The following AUTS2 variants were observed in gnomAD, a reference collection of about 807,000 sequenced individuals.
AUTS2 encodes autism susceptibility gene 2 protein.
In AUTS2, 17 loss-of-function variants were observed where a neutral mutation model predicts 112.4. That is an observed-to-expected ratio of 0.15 (90% CI 0.10 to 0.23). The LOEUF (loss-of-function observed/expected upper bound fraction) is 0.23, where lower values mean the gene tolerates loss of function less well. AUTS2 is among the 10% of genes least tolerant of loss of function. AUTS2 has a pLI of 1.00. For synonymous variants in AUTS2, 751 were observed against 702.7 expected, an observed-to-expected ratio of 1.07 and a Z score of -1.09; for missense variants, 1,510 against 1,701.6, an observed-to-expected ratio of 0.89 and a Z score of 1.98.
chr7:70,124,718 A>G (rs1805869514), intron 3 of AUTS2, among the ~76,000 whole-genome samples: 2 of 152,150 alleles, frequency 1.3e-5, no homozygotes, highest in Admixed American at 1.3e-4. Flanking sequence ...ATGTGCCACC[A>G]TGCCCAGCTA....
chr7:70,641,191 A>G (rs1805809345), intron 5 of AUTS2, among the ~76,000 whole-genome samples: 1 of 152,206 alleles, frequency 6.6e-6, no homozygotes, highest in South Asian at 2.1e-4. Flanking sequence ...TTGAAGTCCT[A>G]TTCCCATCTT....
intron 5 of AUTS2, among the ~76,000 whole-genome samples, chr7:70,448,167 G>A (rs767697250): frequency 2.6e-5 from 4 of 152,056 alleles, no homozygotes; most frequent in Admixed American, 6.6e-5. Context: ...GTTCTGACAC[G>A]GAAATACCCC....
intron 4 of AUTS2, among the ~76,000 whole-genome samples, chr7:70,305,434 G>A (rs1789450555): frequency 6.6e-6 from 1 of 152,118 alleles, no homozygotes; most frequent in South Asian, 2.1e-4. Context: ...TTATTATAAT[G>A]TAGATTCACA....
chr7:69,803,869 A>C (rs1327890469), intron 1 of AUTS2, among the ~76,000 whole-genome samples: 1 of 152,144 alleles, frequency 6.6e-6, no homozygotes, highest in Non-Finnish European at 1.5e-5. Flanking sequence ...GTCTCTACAA[A>C]ATAAACAAAC....
intron 5 of AUTS2, among the ~76,000 whole-genome samples, chr7:70,697,394 A>G (rs1045612810): frequency 6.6e-6 from 1 of 152,230 alleles, no homozygotes; most frequent in African/African-American, 2.4e-5. Flanking sequence ...GTCTTAATAC[A>G]AATATTTTGT....
At chr7:70,385,312 AAGG>A (rs1793560451) in intron 4 of AUTS2, among the ~76,000 whole-genome samples, 1 of 152,226 alleles carries the variant, frequency 6.6e-6, no homozygotes, top group Non-Finnish European at 1.5e-5. Context: ...GAAAAGCCAC[AAGG>A]AGGTCATTGT....
At chr7:70,719,931 A>T (rs1424448965) in intron 6 of AUTS2, among the ~76,000 whole-genome samples, 2 of 152,232 alleles carry the variant, frequency 1.3e-5, no homozygotes, top group Non-Finnish European at 2.9e-5. Context: ...GAGTTAACTT[A>T]GTGACCAGAT....
chr7:70,565,356 T>C (rs955939432), intron 5 of AUTS2, among the ~76,000 whole-genome samples: 4 of 152,172 alleles, frequency 2.6e-5, no homozygotes, highest in Non-Finnish European at 5.9e-5. Flanking sequence ...TCTACTTTTA[T>C]GGAAATTGTT....
chr7:69,902,263 C>T (rs1794998504), intron 2 of AUTS2, among the ~76,000 whole-genome samples: 1 of 152,044 alleles, frequency 6.6e-6, no homozygotes, highest in Admixed American at 6.5e-5. Flanking sequence ...GTTCAAAAAG[C>T]TTGTCTGAAG....
chr7:70,743,704 C>G (rs903809748), intron 6 of AUTS2, among the ~76,000 whole-genome samples: 1 of 152,078 alleles, frequency 6.6e-6, no homozygotes, highest in Admixed American at 6.6e-5. Flanking sequence ...GATGTCATTG[C>G]CTCTAGTCAG....
rs542965668 is a variant in AUTS2, at chr7:69,611,800, G to A, written c.309+11838G>A. Among the ~76,000 whole-genome samples the A allele has an allele frequency of 1.3e-3, 191 of 151,334 alleles. 2 individuals carry two copies. The highest frequency in any genetic ancestry group is 0.01 in the Admixed American group (153 of 15,210). On this transcript the variant is annotated intron_variant, in intron 1 of 18. Coordinates refer to ENST00000342771, the MANE Select transcript of AUTS2 (RefSeq NM_015570.4). ...AAAAAATTAGCCGGGCGCGGTGGCA[G>A]GCGCCTGTAGTCCCAGCTACTCGGG...
chr7:70,546,340 A>G (rs1358554010), intron 5 of AUTS2, among the ~76,000 whole-genome samples: 1 of 152,172 alleles, frequency 6.6e-6, no homozygotes, highest in Non-Finnish European at 1.5e-5. Context: ...GCTACTTGGG[A>G]AGTTGAGGCA....
intron 5 of AUTS2, among the ~76,000 whole-genome samples, chr7:70,695,228 C>G (rs1020499909): frequency 6.6e-6 from 1 of 152,192 alleles, no homozygotes; most frequent in East Asian, 1.9e-4. Flanking sequence ...TTCCTCCCCC[C>G]TCTGCGGCCC....
chr7:70,225,723 A>G (rs1050476116), intron 4 of AUTS2, among the ~76,000 whole-genome samples: 2 of 152,224 alleles, frequency 1.3e-5, no homozygotes, highest in Non-Finnish European at 2.9e-5. Flanking sequence ...CTTAAGGAAG[A>G]TTATGGTACT....
At chr7:70,711,357 C>T (rs1810040959) in intron 6 of AUTS2, among the ~76,000 whole-genome samples, 1 of 152,176 alleles carries the variant, frequency 6.6e-6, no homozygotes, top group Non-Finnish European at 1.5e-5. Flanking sequence ...ATTCAAATAT[C>T]CTAATTGCTT....
intron 1 of AUTS2, among the ~76,000 whole-genome samples, chr7:69,745,330 C>T (rs1010938597): frequency 6.6e-6 from 1 of 152,138 alleles, no homozygotes; most frequent in African/African-American, 2.4e-5. Flanking sequence ...GACTATTTAC[C>T]TTTGTCACCT....
At chr7:70,001,088 T>C (rs950061588) in intron 2 of AUTS2, among the ~76,000 whole-genome samples, 1 of 152,090 alleles carries the variant, frequency 6.6e-6, no homozygotes, top group Non-Finnish European at 1.5e-5. Context: ...CCTAAAAATA[T>C]CAGAGAAAAA....
At chr7:70,403,716 G>T (rs578016961) in intron 4 of AUTS2, among the ~76,000 whole-genome samples, 1 of 152,164 alleles carries the variant, frequency 6.6e-6, no homozygotes, top group African/African-American at 2.4e-5. Context: ...GAGCAGAGCC[G>T]CAAAAGAATA....
At chr7:70,723,883 A>G (rs1786849091) in intron 6 of AUTS2, among the ~76,000 whole-genome samples, 1 of 151,946 alleles carries the variant, frequency 6.6e-6, no homozygotes, top group Non-Finnish European at 1.5e-5. Flanking sequence ...ATACATGTAG[A>G]CTTTTTGAGA....
Sources: allele counts gnomAD v4.1 joint callset (sites outside exome capture counted in the v4.1 genomes callset), GRCh38; gene constraint gnomAD v4.1.1; transcripts MANE v1.5; gene names NCBI Gene and HGNC (gene_info 2026-07-23, HGNC 2026-07-21).